CACHD1: variants seen among roughly 807,000 people sequenced by gnomAD.
The protein encoded by CACHD1 is cache domain containing 1.
CACHD1 carries 71 observed loss-of-function variants against 138.7 expected under a neutral mutation model. That is an observed-to-expected ratio of 0.51 (90% confidence interval 0.42 to 0.62). The LOEUF is 0.62. Ranked by LOEUF, CACHD1 falls within the 20% of genes least tolerant of loss-of-function variation. The pLI is 0.00. For missense variants in CACHD1, 1,389 were observed against 1,625.3 expected, an observed-to-expected ratio of 0.85 and a Z score of 2.50; for synonymous variants, 578 against 591.5, an observed-to-expected ratio of 0.98 and a Z score of 0.33.
At chr1:64,512,616 A>G (rs1646430528) in intron 1 of CACHD1, among the ~76,000 whole-genome samples, 2 of 152,118 alleles carry the variant, frequency 1.3e-5, no homozygotes, top group Admixed American at 1.3e-4. Flanking sequence ...GCTAAATTCA[A>G]CATTTCCACT....
chr1:64,582,392 T>C lies in CACHD1; in HGVS notation c.410+88T>C, dbSNP rs564732322. Reference sequence around the variant, plus strand: ...TTCATATTCAAAATACCTGTGTTTATTTATTGCAAATTGTGTAGCTTGTTT... The same window carrying C: ...TTCATATTCAAAATACCTGTGTTTACTTATTGCAAATTGTGTAGCTTGTTT... On this transcript the variant is annotated intron_variant, in intron 3 of 26. Coordinates refer to ENST00000651257, the MANE Select transcript of CACHD1 (RefSeq NM_020925.4). 6.8e-6 allele frequency: 8 copies of C among 1,179,500 alleles called. No individual in the cohort carries two copies. In the East Asian group the frequency reaches 1.7e-4, roughly 25 times the overall value. 73.1% of individuals were successfully genotyped at this position (1,179,500 alleles called of 1,614,324 possible). A position where few individuals can be genotyped will look rare whatever the true frequency, so the allele number is the denominator to read the frequency against.
intron 2 of CACHD1, among the ~76,000 whole-genome samples, chr1:64,575,969 A>G (rs1266267065): frequency 6.6e-6 from 1 of 152,234 alleles, no homozygotes; most frequent in Non-Finnish European, 1.5e-5. Context: ...AAAGAAATTC[A>G]TTGATGTTGT....
At chr1:64,647,321 G>A (rs1047153915) in intron 8 of CACHD1, among the ~76,000 whole-genome samples, 1 of 152,186 alleles carries the variant, frequency 6.6e-6, no homozygotes, top group African/African-American at 2.4e-5. Flanking sequence ...TCATTTAGTT[G>A]CATGGCAGCT....
chr1:64,535,660 G>A (rs1570343386), intron 1 of CACHD1, among the ~76,000 whole-genome samples: 1 of 152,052 alleles, frequency 6.6e-6, no homozygotes, highest in East Asian at 1.9e-4. Context: ...TTCAATATAG[G>A]GAGACCATTA....
intron 1 of CACHD1, among the ~76,000 whole-genome samples, chr1:64,500,909 C>T (rs371588765): frequency 3.3e-5 from 5 of 151,708 alleles, no homozygotes; most frequent in Non-Finnish European, 7.4e-5. Flanking sequence ...ATTAGCTGGG[C>T]GTGGTGGCAA....
chr1:64,525,375 G>A lies in CACHD1; in HGVS notation c.199-25219G>A, dbSNP rs542832343. ...AAAAATGTCAACTTGATATTTACCCGATTTGAAAAATAACCTATCAGACAT... is the reference window on the plus strand; with the variant it reads ...AAAAATGTCAACTTGATATTTACCCAATTTGAAAAATAACCTATCAGACAT... On this transcript the variant is annotated intron_variant, in intron 1 of 26. Transcript: ENST00000651257. Among the ~76,000 whole-genome samples the A allele has an allele frequency of 3.3e-5, 5 of 152,218 alleles. No homozygotes were observed. The East Asian group carries it at 9.7e-4, about 29-fold the overall frequency.
At chr1:64,602,732 A>T in intron 3 of CACHD1, 74 bp from the exon 4 acceptor site, 1 of 919,104 alleles carries the variant, frequency 1.1e-6, no homozygotes. Flanking sequence ...CTTGTACACA[A>T]TGTAAACCAT....
intron 1 of CACHD1, among the ~76,000 whole-genome samples, chr1:64,473,742 C>A (rs1231136801): frequency 2.0e-5 from 3 of 152,134 alleles, no homozygotes; most frequent in African/African-American, 7.2e-5. Context: ...TGTAAAAAGC[C>A]AATGTTCAGA....
chr1:64,681,541 G>GTTTTT (rs57993424), intron 25 of CACHD1, among the ~76,000 whole-genome samples: 11 of 68,130 alleles, frequency 1.6e-4, no homozygotes, highest in Non-Finnish European at 2.1e-4. Context: ...ATTTTATTGT[G>GTTTTT]TTTTTTTTTT....
At chr1:64,632,161 G>A (rs191880545) in intron 5 of CACHD1, among the ~76,000 whole-genome samples, 39 of 150,432 alleles carry the variant, frequency 2.6e-4, no homozygotes, top group Non-Finnish European at 3.4e-4. Flanking sequence ...CCAAGCAGAG[G>A]TTGTGCATAT....
intron 8 of CACHD1, among the ~76,000 whole-genome samples, chr1:64,645,883 C>T (rs986031619): frequency 4.6e-5 from 7 of 152,228 alleles, no homozygotes; most frequent in Admixed American, 6.5e-5. Flanking sequence ...CCCTAAATCT[C>T]GCAGTACAGC....
In CACHD1 at chr1:64,653,738, A is replaced by C. The variant is rs773602766; in HGVS notation, c.1541-20A>C. 1 of 1,604,870 alleles carries C rather than the reference A, an allele frequency of 6.2e-7. No homozygotes were observed. Among genetic ancestry groups the C allele is most frequent in the Non-Finnish European group, 8.5e-7 (1 of 1,175,602 alleles). On this transcript the variant is annotated intron_variant, in intron 10 of 26. Transcript: ENST00000651257. The stretch of plus-strand genomic sequence containing the variant: ...TACAACATGTTTCTTATTAACATGC[A>C]TTTTGTTTTCTTATTGCAGGATATA...
intron 1 of CACHD1, among the ~76,000 whole-genome samples, chr1:64,473,977 G>C (rs1313943405): frequency 6.6e-6 from 1 of 152,196 alleles, no homozygotes; most frequent in African/African-American, 2.4e-5. Flanking sequence ...TGATAGAGAA[G>C]ACAGTTTGAA....
chr1:64,606,256 C>A (rs80347925), intron 4 of CACHD1, among the ~76,000 whole-genome samples: 47 of 152,130 alleles, frequency 3.1e-4, no homozygotes, highest in African/African-American at 1.0e-3. Flanking sequence ...ATAGGGAATA[C>A]GGTTGGCTGT....
chr1:64,678,422 G>A, intron 23 of CACHD1, 112 bp downstream of exon 23: 2 of 1,109,020 alleles, frequency 1.8e-6, no homozygotes, highest in South Asian at 4.2e-5. Context: ...TCCTTTGCTG[G>A]TAGTCTTTAG....
At chr1:64,534,857 C>T (rs542915354) in intron 1 of CACHD1, among the ~76,000 whole-genome samples, 2 of 152,362 alleles carry the variant, frequency 1.3e-5, no homozygotes, top group South Asian at 4.1e-4. Context: ...ATCTAGATCC[C>T]AGATTCCAGC....
chr1:64,566,503 G>A (rs78807814), intron 2 of CACHD1, among the ~76,000 whole-genome samples: 2,423 of 120,956 alleles, frequency 0.02, 84 homozygotes, highest in African/African-American at 0.058. Context: ...AAGGTATGGG[G>A]GAAGTACTGC....
rs930367248 is a variant in CACHD1, at chr1:64,664,546, T to A, written c.2143T>A (p.Trp715Arg). ...VMATSHVTDE[W>R]MTQMEMSSLN... is the part of the protein sequence containing the mutation. ...GGCTACCAGCCACGTCACAGATGAA[T>A]GGATGACACAAATGGAAATGAGTAG... Residue 715 changes from tryptophan (W) to arginine (R), a missense_variant, in exon 15 of 27, where the codon TGG (tryptophan) becomes AGG (arginine). By Grantham distance (101) the Trp-to-Arg change is moderately radical. Coordinates refer to ENST00000651257, the MANE Select transcript of CACHD1 (RefSeq NM_020925.4). The A allele has an allele frequency of 2.2e-5, 36 of 1,614,226 alleles. No homozygotes were observed. The highest frequency in any genetic ancestry group is 3.1e-5 in the Non-Finnish European group (36 of 1,180,036).
chr1:64,602,464 C>G (rs1054143520), intron 3 of CACHD1, among the ~76,000 whole-genome samples: 17 of 106,328 alleles, frequency 1.6e-4, no homozygotes, highest in Admixed American at 9.9e-5. Context: ...TCAGAGCTCC[C>G]ATCTGATTTT....
Sources: gnomAD v4.1 joint callset for allele counts (sites outside exome capture counted in the v4.1 genomes callset) on GRCh38, gnomAD v4.1.1 for gene constraint, MANE v1.5 for transcripts, NCBI Gene and HGNC (gene_info 2026-07-23, HGNC 2026-07-21) for gene names.